SUFU: variants seen among roughly 807,000 people sequenced by gnomAD.
SUFU encodes suppressor of fused homolog.
In SUFU, 7 loss-of-function variants were observed where a neutral mutation model predicts 58.9. That is an observed-to-expected ratio of 0.12 (90% CI 0.07 to 0.22). The LOEUF (loss-of-function observed/expected upper bound fraction) is 0.22. Ranked by LOEUF, SUFU falls within the 10% of genes least tolerant of loss-of-function variation. SUFU has a pLI of 1.00. For missense variants in SUFU, 451 were observed against 641.3 expected, an observed-to-expected ratio of 0.70 and a Z score of 3.20; for synonymous variants, 232 against 254.8, an observed-to-expected ratio of 0.91 and a Z score of 0.85.
intron 3 of SUFU, among the ~76,000 whole-genome samples, chr10:102,589,438 C>CTTTTT (rs2063371320): frequency 1.1e-4 from 5 of 44,034 alleles, no homozygotes; most frequent in African/African-American, 2.7e-4. Context: ...TATTTTCTTT[C>CTTTTT]TTTCTTTTTT....
chr10:102,521,064 G>T (rs1415926478), intron 2 of SUFU, among the ~76,000 whole-genome samples: 1 of 152,138 alleles, frequency 6.6e-6, no homozygotes, highest in African/African-American at 2.4e-5. Context: ...TTCCATAGTG[G>T]CTATACCATT....
chr10:102,592,471 T>TAG, intron 3 of SUFU, 111 bp from the exon 4 acceptor site: 1 of 1,243,436 alleles, frequency 8.0e-7, no homozygotes, highest in East Asian at 2.3e-5. Context: ...TCACAGGGGC[T>TAG]ACCCTAAGAG....
At chr10:102,583,767 G>C (rs2063308340) in intron 3 of SUFU, among the ~76,000 whole-genome samples, 1 of 151,674 alleles carries the variant, frequency 6.6e-6, no homozygotes, top group African/African-American at 2.4e-5. Flanking sequence ...CAGGTTTGTT[G>C]CATATGTATA....
intron 8 of SUFU, among the ~76,000 whole-genome samples, chr10:102,610,267 C>T (rs1407531805): frequency 2.0e-5 from 3 of 151,494 alleles, no homozygotes; most frequent in Non-Finnish European, 2.9e-5. Context: ...GTGGTGGGCA[C>T]CTATAATCCT....
At chr10:102,556,205 G>C (rs922466079) in intron 3 of SUFU, among the ~76,000 whole-genome samples, 1 of 150,242 alleles carries the variant, frequency 6.7e-6, no homozygotes, top group Non-Finnish European at 1.5e-5. Flanking sequence ...CAGCCATGGA[G>C]CTGTATGAGG....
intron 10 of SUFU, among the ~76,000 whole-genome samples, chr10:102,622,475 G>T (rs923190388): frequency 1.3e-5 from 2 of 152,176 alleles, no homozygotes; most frequent in Non-Finnish European, 1.5e-5. Context: ...AGGCACGGTG[G>T]CTCACACCTG....
chr10:102,615,432 AC>A (rs774996240), intron 9 of SUFU, 30 bp downstream of exon 9: 13 of 1,613,122 alleles, frequency 8.1e-6, no homozygotes, highest in African/African-American at 1.3e-5. Context: ...CACACAGTTT[AC>A]CCCACAGCAC....
At position 102,628,290 on chromosome 10, in the gene SUFU, G is replaced by C. The variant is rs1764026464; in HGVS notation, c.1365+1047G>C. ...CACAGGGCGGGACCGTCCAGTCCAGGTCTCCAGTTGGACAGGAACTCCCCA... is the reference window on the plus strand; with the variant it reads ...CACAGGGCGGGACCGTCCAGTCCAGCTCTCCAGTTGGACAGGAACTCCCCA... On this transcript the variant is annotated intron_variant, in intron 11 of 11. Transcript: ENST00000369902. This position sits in a 1 kb window ranked among gnomAD's most constrained non-coding sequence, Gnocchi z 4.5. Among the ~76,000 whole-genome samples, 1 of 152,208 alleles carries C rather than the reference G, an allele frequency of 6.6e-6. No individual in the cohort carries two copies. Among genetic ancestry groups the C allele is most frequent in the South Asian group, 2.1e-4 (1 of 4,830 alleles).
rs1181073680 is a variant in SUFU at position 102,625,118 on chromosome 10, C to T, written c.1297-2057C>T. On this transcript the variant is annotated intron_variant, in intron 10 of 11. Coordinates refer to ENST00000369902, the MANE Select transcript of SUFU (RefSeq NM_016169.4). The surrounding 1 kb of genome is among the most constrained non-coding windows in gnomAD (Gnocchi z 4.7). ...TATTGCTTGAGCAGACTGGTGATAA[C>T]TGGTGGGGAAACTGAACTTTTGGGG... is the stretch of plus-strand genomic sequence containing the variant. Among the ~76,000 whole-genome samples, 3 of 152,138 alleles carry T rather than the reference C, an allele frequency of 2.0e-5. No homozygotes were observed. The East Asian group carries it at 5.8e-4, about 29-fold the overall frequency.
At chr10:102,512,493 G>A (rs2062412214) in intron 2 of SUFU, among the ~76,000 whole-genome samples, 1 of 152,194 alleles carries the variant, frequency 6.6e-6, no homozygotes, top group African/African-American at 2.4e-5. Context: ...GATTGAGCAA[G>A]CCTCATATTT....
intron 6 of SUFU, 112 bp downstream of exon 6, chr10:102,594,177 A>T (rs969499162): frequency 1.7e-5 from 18 of 1,062,636 alleles, no homozygotes; most frequent in Non-Finnish European, 2.6e-5. Context: ...AGTGAGTAGA[A>T]ATATGGCATC....
At chr10:102,618,931 CGTGTGTGTGTGTGTGTGTGTGT>C (rs59259635) in intron 10 of SUFU, 32 of 575,334 alleles carry the variant, frequency 5.6e-5, no homozygotes, top group Admixed American at 2.6e-4. Flanking sequence ...CCTCAGGTAG[CGTGTGTGTGTGTGTGTGTGTGT>C]GTGTGTGTGT....
At chr10:102,548,297 G>A (rs948397043) in intron 2 of SUFU, among the ~76,000 whole-genome samples, 1 of 152,220 alleles carries the variant, frequency 6.6e-6, no homozygotes, top group African/African-American at 2.4e-5. Flanking sequence ...TCCCTGCAAA[G>A]TGCAGGAGGT....
chr10:102,544,622 C>G (rs904557882), intron 2 of SUFU, among the ~76,000 whole-genome samples: 2 of 152,134 alleles, frequency 1.3e-5, no homozygotes, highest in Admixed American at 1.3e-4. Context: ...TCGCTTGAAC[C>G]CAGGAGGCAG....
Position 102,594,055 on chromosome 10 carries a change from C to T in SUFU, c.746C>T (p.Pro249Leu). Reference sequence around the variant, plus strand: ...GGAGAGACCATATTTGAGATCGATCCACACCTGCAAGTATGTCTTGAGTGA... The same window carrying T: ...GGAGAGACCATATTTGAGATCGATCTACACCTGCAAGTATGTCTTGAGTGA... ...RRGETIFEID[P>L]HLQERVDKGI... Residue 249 changes from proline to leucine, a missense_variant, in exon 6 of 12, where the codon CCA becomes CTA. Coordinates refer to ENST00000369902, the MANE Select transcript of SUFU (RefSeq NM_016169.4). The T allele has an allele frequency of 1.9e-6, 3 of 1,612,622 alleles. No individual in the cohort carries two copies. The highest frequency in any genetic ancestry group is 2.5e-6 in the Non-Finnish European group (3 of 1,179,462).
intron 2 of SUFU, among the ~76,000 whole-genome samples, chr10:102,533,408 C>CA (rs1185623999): frequency 0.025 from 2,532 of 100,694 alleles, 41 homozygotes; most frequent in East Asian, 0.085. Context: ...CCCATCTCTA[C>CA]AAAAAAAAAA....
intron 2 of SUFU, among the ~76,000 whole-genome samples, chr10:102,542,903 G>T (rs2062818829): frequency 6.6e-6 from 1 of 152,200 alleles, no homozygotes. Context: ...GGAATTACAG[G>T]CATGAACCAC....
intron 3 of SUFU, among the ~76,000 whole-genome samples, chr10:102,581,180 C>CAAAAAA (rs71016393): frequency 1.7e-4 from 13 of 75,678 alleles, no homozygotes; most frequent in Non-Finnish European, 3.2e-4. Flanking sequence ...ACTCTGTCTC[C>CAAAAAA]AAAAAAAAAA....
chr10:102,593,572 G>C (rs955041597), intron 4 of SUFU, 64 bp from the exon 5 acceptor site: 15 of 1,548,372 alleles, frequency 9.7e-6, no homozygotes, highest in Non-Finnish European at 1.2e-5. Context: ...AGCCTGGGTA[G>C]CTGACCTTCT....
Sources: allele counts gnomAD v4.1 joint callset (sites outside exome capture counted in the v4.1 genomes callset), GRCh38; gene constraint gnomAD v4.1.1; non-coding constraint Gnocchi (gnomAD v3.1); transcripts MANE v1.5; gene names NCBI Gene and HGNC (gene_info 2026-07-23, HGNC 2026-07-21).